ERCC6: variants seen among roughly 807,000 people sequenced by gnomAD.
ERCC6 encodes the protein DNA excision repair protein ERCC-6.
A neutral mutation model predicts 158.7 loss-of-function variants in ERCC6; 116 were observed. The ratio of observed to expected loss-of-function variants is 0.73; its 90% CI spans 0.63 to 0.85. The LOEUF (loss-of-function observed/expected upper bound fraction) is 0.85, where lower values mean the gene tolerates loss of function less well. Among genes scored for constraint, ERCC6 ranks in the 40% least tolerant of loss-of-function variants. The probability of loss-of-function intolerance (pLI) is 0.00; values close to 1 mark genes in which losing one functional copy is unlikely to be tolerated. For synonymous variants in ERCC6, 678 were observed against 659.3 expected, an observed-to-expected ratio of 1.03 and a Z score of -0.43; for missense variants, 1,698 against 1,799.4, an observed-to-expected ratio of 0.94 and a Z score of 1.02.
intron 1 of ERCC6, among the ~76,000 whole-genome samples, chr10:49,537,528 C>G (rs1837630771): frequency 6.6e-6 from 1 of 151,692 alleles, no homozygotes; most frequent in South Asian, 2.1e-4. Flanking sequence ...CACACACACA[C>G]ACACACAAAT....
chr10:49,464,489 T>C (rs1564726943), intron 18 of ERCC6, among the ~76,000 whole-genome samples: 6 of 152,204 alleles, frequency 3.9e-5, no homozygotes, highest in Admixed American at 3.9e-4. Flanking sequence ...CTGCAGAAAT[T>C]TGCATTACGT....
intron 3 of ERCC6, among the ~76,000 whole-genome samples, chr10:49,530,287 T>C (rs570001897): frequency 5.7e-4 from 87 of 152,348 alleles, no homozygotes; most frequent in African/African-American, 1.9e-3. Flanking sequence ...TTGCAATTTT[T>C]CAACTTTGTG....
In ERCC6 at chr10:49,533,037, A is replaced by G. The variant is rs1126112; in HGVS notation, c.-14-59T>C. On this transcript the variant is annotated intron_variant, in intron 1 of 20. Transcript: ENST00000355832. Reference sequence around the variant, plus strand: ...ATATAGGATTCATTGTAGTTCTTAAATATTTTATAATTAGAGCAGACTGAT... The same window carrying G: ...ATATAGGATTCATTGTAGTTCTTAAGTATTTTATAATTAGAGCAGACTGAT... 0.092 allele frequency: 141,860 copies of G among 1,548,952 alleles called. 7,235 individuals carry two copies. The highest frequency in any genetic ancestry group is 0.1 in the Non-Finnish European group (119,216 of 1,142,202).
At chr10:49,435,871 C>T in the ERCC6 span, among the ~76,000 whole-genome samples, 6 of 151,852 alleles carry the variant, frequency 4.0e-5, no homozygotes, top group South Asian at 2.1e-4. Context: ...TGGTGGCAGG[C>T]GCCTGTCATC....
Position 49,474,042 on chromosome 10 carries a change from A to G in ERCC6, c.2583T>C (p.Phe861=), listed in dbSNP as rs759068837. 1.2e-6 allele frequency: 2 copies of G among 1,614,056 alleles called. No homozygotes were observed. Among genetic ancestry groups the G allele is most frequent in the African/African-American group, 1.3e-5 (1 of 75,044 alleles). The change falls in exon 13 of 21, where the codon TTT becomes TTC. Residue 861 remains phenylalanine (F), a synonymous_variant. Coordinates refer to ENST00000355832, the MANE Select transcript of ERCC6 (RefSeq NM_000124.4). ...GTGCACTCACCTGCCTTGACTGAGA[A>G]AACAGCAATACTCGCTGACCCTGCT... is the stretch of plus-strand genomic sequence containing the variant. ...WHKQGQRVLL[F]SQSRQMLDIL... is the part of the protein sequence containing the mutation.
rs1837505406 is a variant in ERCC6 at position 49,532,877 on chromosome 10, C to T, written c.88G>A (p.Ala30Thr). ...SQPVSNNEEMAIKQESGGDGE... is the reference protein window; with the variant it reads ...SQPVSNNEEMTIKQESGGDGE... ...TCACCACCACTTTCTTGCTTGATTG[C>T]CATTTCTTCATTATTACTGACAGGT... Residue 30 changes from alanine to threonine, a missense_variant, in exon 2 of 21, where the codon GCA (alanine) becomes ACA (threonine). Transcript: ENST00000355832. 1 of 1,614,036 alleles carries T rather than the reference C, an allele frequency of 6.2e-7. No individual in the cohort carries two copies. The highest frequency in any genetic ancestry group is 8.5e-7 in the Non-Finnish European group (1 of 1,180,006).
At chr10:49,446,414 T>C in the ERCC6 span, among the ~76,000 whole-genome samples, 1 of 152,166 alleles carries the variant, frequency 6.6e-6, no homozygotes, top group African/African-American at 2.4e-5. Context: ...AAAAGCATTG[T>C]AAGACAAAAT....
chr10:49,447,887 CTGAG>C, the ERCC6 span, among the ~76,000 whole-genome samples: 2 of 152,306 alleles, frequency 1.3e-5, no homozygotes, highest in Admixed American at 1.3e-4. Context: ...CCTTTTGTGG[CTGAG>C]TAATATTCCA....
At chr10:49,459,971 A>G (rs1850548330) in intron 20 of ERCC6, 4 of 288,370 alleles carry the variant, frequency 1.4e-5, no homozygotes, top group Admixed American at 4.8e-5. Flanking sequence ...GAGCAGAGAA[A>G]GACAGGCACT....
chr10:49,480,135 C>T lies in ERCC6; in HGVS notation c.2170-1665G>A, dbSNP rs1349417873. 3.3e-5 allele frequency among the ~76,000 whole-genome samples: 5 copies of T among 152,308 alleles called. No individual in the cohort carries two copies. The East Asian group carries it at 9.7e-4, about 29-fold the overall frequency. On this transcript the variant is annotated intron_variant, in intron 10 of 20. Transcript: ENST00000355832. ...CCCTGCCCCAGCTGAGCACACCAAC[C>T]CCAGCAGCAGTCTATATTTGGGCTG...
intron 5 of ERCC6, chr10:49,516,698 C>T: frequency 1.2e-6 from 2 of 1,614,186 alleles, no homozygotes; most frequent in Non-Finnish European, 1.7e-6. Context: ...TGGGAGTTCT[C>T]ATTACGGTGA....
chr10:49,487,526 T>C (rs1056831013), intron 8 of ERCC6, among the ~76,000 whole-genome samples: 3 of 152,148 alleles, frequency 2.0e-5, no homozygotes, highest in African/African-American at 7.2e-5. Flanking sequence ...ACTTAGCTGC[T>C]GGTGCCAGTG....
chr10:49,461,346 T>G lies in ERCC6; in HGVS notation c.3983+6A>C. The G allele has an allele frequency of 6.2e-7, 1 of 1,612,446 alleles. No homozygotes were observed. Among genetic ancestry groups the G allele is most frequent in the Non-Finnish European group, 8.5e-7 (1 of 1,179,746 alleles). On this transcript the variant is annotated splice_donor_region_variant and intron_variant, in intron 19 of 20. Coordinates refer to ENST00000355832, the MANE Select transcript of ERCC6 (RefSeq NM_000124.4). The stretch of plus-strand genomic sequence containing the variant: ...CTTGCAAGTATGGCATGCAGCAATC[T>G]CTTACTTTTTTCCTGCTGGTGCACC...
intron 1 of ERCC6, among the ~76,000 whole-genome samples, chr10:49,534,014 A>C (rs1008142415): frequency 6.6e-6 from 1 of 151,566 alleles, no homozygotes; most frequent in African/African-American, 2.4e-5. Context: ...AGCACCTGTA[A>C]TCCCAGCCAC....
chr10:49,526,669 T>C (rs1225581623), intron 4 of ERCC6, among the ~76,000 whole-genome samples: 1 of 152,208 alleles, frequency 6.6e-6, no homozygotes, highest in African/African-American at 2.4e-5. Context: ...TATTAAGCCT[T>C]AGGTCTTTTG....
intron 18 of ERCC6, among the ~76,000 whole-genome samples, chr10:49,468,619 G>A (rs550113815): frequency 1.4e-4 from 22 of 152,244 alleles, no homozygotes; most frequent in East Asian, 3.9e-4. Context: ...ATATATGCAC[G>A]TATGTATGTG....
rs1850493264 is a variant in ERCC6, at chr10:49,456,954, A to G, written c.*1861T>C. On this transcript the variant is annotated 3_prime_UTR_variant, in exon 21 of 21. Coordinates refer to ENST00000355832, the MANE Select transcript of ERCC6 (RefSeq NM_000124.4). ...ACAAGGACCACCTTGCTCCTACTGC[A>G]TTATAGCTTTTGATAGTATTTGCTA... 1 of 152,340 alleles carries G rather than the reference A, an allele frequency of 6.6e-6. No homozygotes were observed. Among genetic ancestry groups the G allele is most frequent in the South Asian group, 2.1e-4 (1 of 4,834 alleles). The allele number at this position is 152,340 out of a possible 1,614,324, so 9.4% of individuals were successfully genotyped here.
chr10:49,530,976 T>TA, intron 2 of ERCC6, 136 bp from the exon 3 acceptor site: 1 of 1,244,608 alleles, frequency 8.0e-7, no homozygotes. Flanking sequence ...CCAGAATACA[T>TA]ACCCTTATTG....
chr10:49,515,625 T>C (rs1836926968), intron 5 of ERCC6: 2 of 1,614,016 alleles, frequency 1.2e-6, no homozygotes, highest in African/African-American at 1.3e-5. Flanking sequence ...TTGCCAAGCA[T>C]TTTGTAAGAC....
Sources: gnomAD v4.1 joint callset for allele counts (sites outside exome capture counted in the v4.1 genomes callset) on GRCh38, gnomAD v4.1.1 for gene constraint, MANE v1.5 for transcripts, NCBI Gene and HGNC (gene_info 2026-07-23, HGNC 2026-07-21) for gene names.